The following ABCC2 variants were observed in gnomAD, a reference collection of about 807,000 sequenced individuals.
The protein encoded by ABCC2 is ATP-binding cassette sub-family C member 2.
ABCC2 carries 157 observed loss-of-function variants against 173.4 expected under a neutral mutation model. The ratio of observed to expected loss-of-function variants is 0.91; its 90% CI spans 0.80 to 1.03. ABCC2 has a LOEUF of 1.03. Among genes scored for constraint, ABCC2 ranks in the 50% least tolerant of loss-of-function variants. The pLI, the probability that ABCC2 is intolerant of heterozygous loss-of-function variation, is 0.00. For missense variants in ABCC2, 1,822 were observed against 1,852.3 expected (o/e 0.98, Z 0.30); for synonymous variants, 657 against 693.5 (o/e 0.95, Z 0.83).
chr10:99,791,020 C>A (rs975461759), intron 2 of ABCC2, among the ~76,000 whole-genome samples: 1 of 152,074 alleles, frequency 6.6e-6, no homozygotes, highest in African/African-American at 2.4e-5. Context: ...CAGTAATTTT[C>A]CCCCTGATAG....
At chr10:99,789,709 C>CA (rs11412117) in intron 2 of ABCC2, among the ~76,000 whole-genome samples, 61,573 of 97,946 alleles carry the variant, frequency 0.63, 17,506 homozygotes, top group East Asian at 0.77. Flanking sequence ...AACTCCGTCT[C>CA]AAAAAAAAAA....
rs759867953 is a variant in ABCC2 at position 99,805,372 on chromosome 10, T to C, written c.1465-10T>C. On this transcript the variant is annotated splice_polypyrimidine_tract_variant and intron_variant, in intron 10 of 31. Coordinates refer to ENST00000647814, the MANE Select transcript of ABCC2 (RefSeq NM_000392.5). ...CGTATATTGTTTTTCTTTTGCTTTT[T>C]TCCTGGCAGGTCAAAAATATGAAGA... 6.2e-7 allele frequency: 1 copy of C among 1,613,272 alleles called. No individual in the cohort carries two copies. Among genetic ancestry groups the C allele is most frequent in the Non-Finnish European group, 8.5e-7 (1 of 1,179,390 alleles).
intron 19 of ABCC2, among the ~76,000 whole-genome samples, chr10:99,821,480 C>T (rs2038536635): frequency 6.6e-6 from 1 of 152,152 alleles, no homozygotes; most frequent in South Asian, 2.1e-4. Context: ...CAATACCTGG[C>T]TTTCCTAGGC....
At chr10:99,804,932 A>G (rs2038074610) in intron 10 of ABCC2, among the ~76,000 whole-genome samples, 1 of 152,218 alleles carries the variant, frequency 6.6e-6, no homozygotes, top group African/African-American at 2.4e-5. Flanking sequence ...ATACACAAAG[A>G]AGAAAAATAT....
Position 99,851,518 on chromosome 10 carries a change from A to G in ABCC2, c.4525A>G (p.Asn1509Asp). 1 of 1,614,152 alleles carries G rather than the reference A, an allele frequency of 6.2e-7. No homozygotes were observed. The highest frequency in any genetic ancestry group is 8.5e-7 in the Non-Finnish European group (1 of 1,180,028). ...TTGTTTCAGGGTAATGGTCCTAGAC[A>G]ACGGGAAGATTATAGAGTGCGGCAG... is the stretch of plus-strand genomic sequence containing the variant. The part of the protein sequence containing the change: ...MDSDKVMVLD[N>D]GKIIECGSPE... The change falls in exon 32 of 32, where the codon AAC (asparagine) becomes GAC (aspartate). Residue 1509 changes from asparagine to aspartate, a missense_variant. Coordinates refer to ENST00000647814, the MANE Select transcript of ABCC2 (RefSeq NM_000392.5).
Position 99,792,246 on chromosome 10 carries a change from TTTC to T in ABCC2, c.226_228del (p.Leu76del), listed in dbSNP as rs758343622. 5 of 1,613,904 alleles carry T rather than the reference TTTC, an allele frequency of 3.1e-6. No individual in the cohort carries two copies. In the African/African-American group the frequency reaches 5.3e-5, roughly 17 times the overall value. On this transcript the variant is annotated inframe_deletion, in exon 3 of 32. Transcript: ENST00000647814. Reference sequence around the variant, plus strand: ...TTTCCCTTCTCAGGTATTCGTTGGTTTTCTTCTTATTCTAGCAGCCATAGAGCT... The same window carrying T: ...TTTCCCTTCTCAGGTATTCGTTGGTTTTCTTATTCTAGCAGCCATAGAGCT...
intron 19 of ABCC2, among the ~76,000 whole-genome samples, chr10:99,825,017 C>G (rs199566581): frequency 4.0e-3 from 407 of 102,492 alleles, no homozygotes; most frequent in South Asian, 5.7e-3. Flanking sequence ...CTGCCCCTAA[C>G]AAGGATACCC....
At position 99,811,598 on chromosome 10, in the gene ABCC2, C is replaced by T. The variant is rs780765144; in HGVS notation, c.1963C>T (p.Arg655Ter). ...TWEHDSEATVRDVNLDIMAGQ... is the reference protein window; with the variant it reads ...TWEHDSEATV ...GGAACATGATTCGGAAGCCACAGTC[C>T]GAGAGTGAGTTGCCTTCTTTCCATC... Residue 655 changes from arginine (R) to a stop codon, truncating the protein, a stop_gained, in exon 15 of 32, where the codon CGA becomes TGA. Coordinates refer to ENST00000647814, the MANE Select transcript of ABCC2 (RefSeq NM_000392.5). LOFTEE classifies it high-confidence loss of function. The T allele has an allele frequency of 2.5e-5, 40 of 1,613,930 alleles. No homozygotes were observed. Among genetic ancestry groups the T allele is most frequent in the Admixed American group, 3.3e-5 (2 of 59,996 alleles).
In ABCC2 at chr10:99,784,684, T is replaced by G; in HGVS notation, c.110T>G (p.Leu37Trp). 1.2e-6 allele frequency: 2 copies of G among 1,614,220 alleles called. No individual in the cohort carries two copies. The highest frequency in any genetic ancestry group is 1.7e-6 in the Non-Finnish European group (2 of 1,180,026). The change falls in exon 2 of 32, where the codon TTG (leucine) becomes TGG (tryptophan). Residue 37 changes from leucine to tryptophan, a missense_variant. Coordinates refer to ENST00000647814, the MANE Select transcript of ABCC2 (RefSeq NM_000392.5). Reference protein sequence around the residue: ...FEQTVLVWIPLGYLWLLAPWQ... With the variant: ...FEQTVLVWIPWGYLWLLAPWQ... ...CAAACTGTTCTGGTGTGGATTCCCT[T>G]GGGCTACCTATGGCTCCTGGCCCCC...
At chr10:99,820,537 C>T (rs1395275440) in intron 19 of ABCC2, among the ~76,000 whole-genome samples, 1 of 152,140 alleles carries the variant, frequency 6.6e-6, no homozygotes, top group Admixed American at 6.5e-5. Context: ...GCGGAAGGAT[C>T]ACTGGAGCCC....
In ABCC2 at chr10:99,830,820, T is replaced by C; in HGVS notation, c.2852T>C (p.Leu951Pro). The change falls in exon 21 of 32, where the codon CTA (leucine) becomes CCA (proline). Residue 951 changes from leucine (L) to proline (P), a missense_variant. By Grantham distance (98) the Leu-to-Pro change is moderately conservative. Transcript: ENST00000647814. ...EDEELVKGQK[L>P]IKKEFIETGK... ...GAAGAACTAGTGAAAGGACAAAAAC[T>C]AATTAAGAAGGAATTCATAGAAACT... is the stretch of plus-strand genomic sequence containing the variant. 3 of 1,613,974 alleles carry C rather than the reference T, an allele frequency of 1.9e-6. No homozygotes were observed. The highest frequency in any genetic ancestry group is 2.5e-6 in the Non-Finnish European group (3 of 1,179,974).
chr10:99,828,675 T>C (rs1451281494), intron 19 of ABCC2, among the ~76,000 whole-genome samples: 1 of 152,272 alleles, frequency 6.6e-6, no homozygotes, highest in East Asian at 1.9e-4. Flanking sequence ...TGAAGTCTGT[T>C]TGGTTGGCTT....
chr10:99,830,240 C>A, intron 19 of ABCC2, 67 bp from the exon 20 acceptor site: 1 of 1,606,702 alleles, frequency 6.2e-7, no homozygotes, highest in Non-Finnish European at 8.5e-7. Flanking sequence ...AGGCTTCTCT[C>A]TCCTTGTTCA....
rs545133088 is a variant in ABCC2 at position 99,814,341 on chromosome 10, A to G, written c.2094+1197A>G. ...CACACGTATGTATACACACATGTATATATACACACGTATGTATACACACAT... is the reference window on the plus strand; with the variant it reads ...CACACGTATGTATACACACATGTATGTATACACACGTATGTATACACACAT... On this transcript the variant is annotated intron_variant, in intron 16 of 31. Transcript: ENST00000647814. 5.3e-4 allele frequency among the ~76,000 whole-genome samples: 75 copies of G among 141,690 alleles called. 8 individuals carry two copies. Among genetic ancestry groups the G allele is most frequent in the African/African-American group, 1.8e-3 (69 of 38,986 alleles). The allele number at this position is 141,690 out of a possible 152,430, so 93.0% of individuals were successfully genotyped here. A position where few individuals can be genotyped will look rare whatever the true frequency, so the allele number is the denominator to read the frequency against.
chr10:99,789,794 G>A (rs1283626262), intron 2 of ABCC2, among the ~76,000 whole-genome samples: 1 of 151,472 alleles, frequency 6.6e-6, no homozygotes, highest in Non-Finnish European at 1.5e-5. Flanking sequence ...CTGTAAAAAT[G>A]GCTAAGGCTT....
chr10:99,796,512 C>T (rs1310026018), intron 6 of ABCC2, among the ~76,000 whole-genome samples: 1 of 151,712 alleles, frequency 6.6e-6, no homozygotes, highest in African/African-American at 2.4e-5. Context: ...TCAACAGAAA[C>T]AAAAAAAGAA....
At chr10:99,831,183 C>G (rs2038731358) in intron 21 of ABCC2, among the ~76,000 whole-genome samples, 1 of 152,146 alleles carries the variant, frequency 6.6e-6, no homozygotes, top group African/African-American at 2.4e-5. Flanking sequence ...TCAAGGTCGG[C>G]AGTAGAACCC....
chr10:99,797,055 C>G, intron 6 of ABCC2, 42 bp from the exon 7 acceptor site: 1 of 1,587,276 alleles, frequency 6.3e-7, no homozygotes, highest in Non-Finnish European at 8.6e-7. Context: ...TAGCCTCTGA[C>G]CCAGCCTGGG....
At position 99,792,279 on chromosome 10, in the gene ABCC2, C is replaced by G. The variant is rs750844583; in HGVS notation, c.253C>G (p.Leu85Val). The G allele has an allele frequency of 2.0e-5, 33 of 1,613,972 alleles. No individual in the cohort carries two copies. In the South Asian group the frequency reaches 3.3e-4, roughly 16 times the overall value. Reference protein sequence around the residue: ...LLILAAIELALVLTEDSGQAT... With the variant: ...LLILAAIELAVVLTEDSGQAT... ...TATTCTAGCAGCCATAGAGCTGGCCCTTGTACTCACAGAAGACTCTGGACA... is the reference window on the plus strand; with the variant it reads ...TATTCTAGCAGCCATAGAGCTGGCCGTTGTACTCACAGAAGACTCTGGACA... Residue 85 changes from leucine to valine, a missense_variant, in exon 3 of 32, where the codon CTT becomes GTT. Physicochemically the swap from Leu to Val is conservative, Grantham distance 32. Coordinates refer to ENST00000647814, the MANE Select transcript of ABCC2 (RefSeq NM_000392.5).
Sources: allele counts gnomAD v4.1 joint callset (sites outside exome capture counted in the v4.1 genomes callset), GRCh38; gene constraint gnomAD v4.1.1; transcripts MANE v1.5; gene names NCBI Gene and HGNC (gene_info 2026-07-23, HGNC 2026-07-21).